The following HS3ST4 variants were observed in gnomAD, a reference collection of about 807,000 sequenced individuals.
HS3ST4 encodes the protein heparan sulfate-glucosamine 3-sulfotransferase 4, also known as heparan sulfate glucosamine 3-O-sulfotransferase 4.
A neutral mutation model predicts 29.2 loss-of-function variants in HS3ST4; 17 were observed. That is an observed-to-expected ratio of 0.58 (90% CI 0.40 to 0.87). HS3ST4 has a LOEUF of 0.87. Ranked by LOEUF, HS3ST4 falls within the 40% of genes least tolerant of loss-of-function variation. The pLI is 0.00. For synonymous variants in HS3ST4, 314 were observed against 285.7 expected (o/e 1.10, Z -1.00); for missense variants, 627 against 634.5 (o/e 0.99, Z 0.13).
intron 1 of HS3ST4, among the ~76,000 whole-genome samples, chr16:25,760,116 C>G (rs1015418325): frequency 1.3e-5 from 2 of 152,076 alleles, no homozygotes; most frequent in African/African-American, 4.8e-5. Context: ...AACCCTAACC[C>G]TAACCCTAAC....
At chr16:25,986,295 A>C (rs1197362449) in intron 1 of HS3ST4, among the ~76,000 whole-genome samples, 1 of 152,212 alleles carries the variant, frequency 6.6e-6, no homozygotes, top group Non-Finnish European at 1.5e-5. Context: ...AGGCATTGAA[A>C]CTGGCCTTAT....
At chr16:25,706,821 C>T (rs1201444589) in intron 1 of HS3ST4, among the ~76,000 whole-genome samples, 2 of 152,128 alleles carry the variant, frequency 1.3e-5, no homozygotes, top group African/African-American at 4.8e-5. Flanking sequence ...TTGGTTGGAG[C>T]CAATGTAATT....
intron 1 of HS3ST4, among the ~76,000 whole-genome samples, chr16:25,826,755 G>A (rs72778996): frequency 0.22 from 34,033 of 152,024 alleles, 3,924 homozygotes; most frequent in Non-Finnish European, 0.24. Flanking sequence ...TGTGGCTGAA[G>A]GGAGGCATGA....
At chr16:25,908,876 C>T (rs779539430) in intron 1 of HS3ST4, among the ~76,000 whole-genome samples, 14 of 152,186 alleles carry the variant, frequency 9.2e-5, no homozygotes, top group Non-Finnish European at 1.5e-4. Flanking sequence ...GAATGGAGTG[C>T]CTCTTTTGAA....
intron 1 of HS3ST4, among the ~76,000 whole-genome samples, chr16:25,936,485 A>T (rs1027039387): frequency 6.6e-6 from 1 of 152,242 alleles, no homozygotes; most frequent in African/African-American, 2.4e-5. Flanking sequence ...TCAAAAAATG[A>T]GAAGAAAAGC....
At chr16:25,762,025 G>A (rs1205667894) in intron 1 of HS3ST4, among the ~76,000 whole-genome samples, 1 of 152,068 alleles carries the variant, frequency 6.6e-6, no homozygotes, top group African/African-American at 2.4e-5. Flanking sequence ...TGTAGTCTTG[G>A]GGAGTCACTT....
At chr16:25,866,965 AG>A (rs1390416874) in intron 1 of HS3ST4, among the ~76,000 whole-genome samples, 1 of 152,184 alleles carries the variant, frequency 6.6e-6, no homozygotes, top group Non-Finnish European at 1.5e-5. Context: ...GGCCTCTCCA[AG>A]TCTTATATTC....
At chr16:25,728,057 A>G (rs1966548812) in intron 1 of HS3ST4, among the ~76,000 whole-genome samples, 1 of 152,170 alleles carries the variant, frequency 6.6e-6, no homozygotes, top group Non-Finnish European at 1.5e-5. Context: ...GGTAGAGTGC[A>G]GTGGTGCCAT....
intron 1 of HS3ST4, among the ~76,000 whole-genome samples, chr16:25,794,373 C>T (rs1567241247): frequency 6.6e-6 from 1 of 151,806 alleles, no homozygotes; most frequent in Non-Finnish European, 1.5e-5. Flanking sequence ...GATCATTTTC[C>T]TCCTTCCTGT....
intron 1 of HS3ST4, among the ~76,000 whole-genome samples, chr16:25,777,036 C>T (rs956367750): frequency 2.6e-5 from 4 of 152,060 alleles, no homozygotes; most frequent in Non-Finnish European, 5.9e-5. Context: ...TATTATTTAT[C>T]CAGTATTTTC....
At chr16:25,733,841 G>A (rs1038589167) in intron 1 of HS3ST4, among the ~76,000 whole-genome samples, 5 of 152,174 alleles carry the variant, frequency 3.3e-5, no homozygotes, top group East Asian at 3.9e-4. Context: ...ATTGGGTGCC[G>A]GACGCAGTGG....
chr16:25,842,648 G>T (rs1268082015), intron 1 of HS3ST4, among the ~76,000 whole-genome samples: 19 of 152,154 alleles, frequency 1.2e-4, no homozygotes, highest in Admixed American at 1.2e-3. Context: ...TAGGAAGTAT[G>T]GGTCCACCAC....
At chr16:26,069,620 A>C (rs969187468) in intron 1 of HS3ST4, among the ~76,000 whole-genome samples, 1 of 152,000 alleles carries the variant, frequency 6.6e-6, no homozygotes, top group African/African-American at 2.4e-5. Context: ...GGTTTGTTAC[A>C]TATGTATACA....
intron 1 of HS3ST4, among the ~76,000 whole-genome samples, chr16:26,102,880 C>G (rs545658916): frequency 1.3e-5 from 2 of 152,154 alleles, no homozygotes; most frequent in Non-Finnish European, 2.9e-5. Flanking sequence ...GTGCTCCTTA[C>G]AGTGATTCAA....
chr16:25,871,851 A>G (rs965015585), intron 1 of HS3ST4, among the ~76,000 whole-genome samples: 16 of 152,116 alleles, frequency 1.1e-4, no homozygotes, highest in Admixed American at 1.0e-3. Context: ...GCCATTTTCT[A>G]CTGAAAACTC....
intron 1 of HS3ST4, among the ~76,000 whole-genome samples, chr16:25,811,033 T>A (rs1212281903): frequency 1.3e-5 from 2 of 152,216 alleles, no homozygotes; most frequent in Non-Finnish European, 2.9e-5. Context: ...TGGCACTTGA[T>A]TAATTAAGAA....
intron 1 of HS3ST4, among the ~76,000 whole-genome samples, chr16:26,124,749 A>T (rs761757091): frequency 6.6e-6 from 1 of 152,228 alleles, no homozygotes; most frequent in Non-Finnish European, 1.5e-5. Flanking sequence ...TTATGTGTGA[A>T]CAGCTCTTGA....
intron 1 of HS3ST4, among the ~76,000 whole-genome samples, chr16:25,952,481 G>A (rs1278661624): frequency 1.3e-5 from 2 of 152,120 alleles, no homozygotes; most frequent in Admixed American, 6.5e-5. Context: ...TTAAATCCTG[G>A]TGTTATTCTT....
intron 1 of HS3ST4, among the ~76,000 whole-genome samples, chr16:26,134,022 T>C (rs572570230): frequency 6.6e-6 from 1 of 152,350 alleles, no homozygotes; most frequent in East Asian, 1.9e-4. Context: ...AATGGCATTC[T>C]AAGCTTAATT....
Sources: allele counts gnomAD v4.1 joint callset (sites outside exome capture counted in the v4.1 genomes callset), GRCh38; gene constraint gnomAD v4.1.1; transcripts MANE v1.5; gene names NCBI Gene and HGNC (gene_info 2026-07-23, HGNC 2026-07-21).